Variants in TMEM94 observed in about 807,000 individuals in gnomAD.
The protein encoded by TMEM94 is ER Mg2+ ATPase.
In TMEM94, 81 loss-of-function variants were observed where a neutral mutation model predicts 158.6. That is an observed-to-expected ratio of 0.51 (90% CI 0.43 to 0.61). TMEM94 has a LOEUF of 0.61. Among genes scored for constraint, TMEM94 ranks in the 20% least tolerant of loss-of-function variants. The pLI is 0.00. For synonymous variants in TMEM94, 751 were observed against 730.7 expected, an observed-to-expected ratio of 1.03 and a Z score of -0.45; for missense variants, 1,435 against 1,762.0, an observed-to-expected ratio of 0.81 and a Z score of 3.32.
chr17:75,498,936 GGCTGTGGACCTGCA>G lies in TMEM94; in HGVS notation c.3862_3875del (p.Leu1288ThrfsTer33), dbSNP rs2053032060. 3 of 1,562,148 alleles carry G rather than the reference GGCTGTGGACCTGCA, an allele frequency of 1.9e-6. No individual in the cohort carries two copies. The highest frequency in any genetic ancestry group is 2.3e-5 in the East Asian group (1 of 44,242). Reference sequence around the variant, plus strand: ...GGCTGCTGGGTCAGGTGGTCCAGACGGCTGTGGACCTGCAGCTGTGGACACACAGGGACAGCCAC... The same window carrying G: ...GGCTGCTGGGTCAGGTGGTCCAGACGGCTGTGGACACACAGGGACAGCCAC... On this transcript the variant is annotated frameshift_variant, in exon 31 of 32. Coordinates refer to ENST00000314256, the MANE Select transcript of TMEM94 (RefSeq NM_014738.6). LOFTEE classifies it high-confidence loss of function. The surrounding 1 kb of genome is among the most constrained non-coding windows in gnomAD (Gnocchi z 6.7).
chr17:75,476,958 C>T (rs535140878), intron 2 of TMEM94, among the ~76,000 whole-genome samples: 1 of 152,220 alleles, frequency 6.6e-6, no homozygotes, highest in East Asian at 1.9e-4. Context: ...GCCAGGTGCC[C>T]GAGTCACCCA....
intron 2 of TMEM94, among the ~76,000 whole-genome samples, chr17:75,473,554 G>T (rs2050570658): frequency 6.6e-6 from 1 of 152,188 alleles, no homozygotes; most frequent in Non-Finnish European, 1.5e-5. Context: ...GGGAAACAAA[G>T]TTCTGTATCG....
At chr17:75,470,549 C>T (rs967378423) in intron 1 of TMEM94, among the ~76,000 whole-genome samples, 2 of 151,276 alleles carry the variant, frequency 1.3e-5, no homozygotes, top group African/African-American at 4.9e-5. Flanking sequence ...ACTAAAAATA[C>T]AAAAAATTAG....
Position 75,494,988 on chromosome 17 carries a change from C to A in TMEM94, c.2682C>A (p.Pro894=), listed in dbSNP as rs769396653. The change falls in exon 20 of 32, where the codon CCC becomes CCA. Residue 894 remains proline, a synonymous_variant. Transcript: ENST00000314256. ...ACATGCCTGGCTCCGAGATCCCCCC[C>A]TCCAGCCCCAGCCACGCAGGCTCCC... ...NGDMPGSEIP[P]SSPSHAGSLH... 1 of 1,613,442 alleles carries A rather than the reference C, an allele frequency of 6.2e-7. No individual in the cohort carries two copies. The highest frequency in any genetic ancestry group is 2.2e-5 in the East Asian group (1 of 44,884).
intron 2 of TMEM94, among the ~76,000 whole-genome samples, chr17:75,484,905 G>A (rs1013867373): frequency 1.1e-4 from 16 of 151,998 alleles, no homozygotes; most frequent in African/African-American, 3.1e-4. Flanking sequence ...CGACATGGTG[G>A]TGTGTGCCTG....
At chr17:75,461,130 G>A (rs1037830787) in intron 1 of TMEM94, among the ~76,000 whole-genome samples, 1 of 85,108 alleles carries the variant, frequency 1.2e-5, no homozygotes, top group Non-Finnish European at 2.1e-5. Context: ...ACAGAGTTTT[G>A]CTCTATTGCC....
chr17:75,467,486 T>C (rs989083948), intron 1 of TMEM94, among the ~76,000 whole-genome samples: 1 of 151,376 alleles, frequency 6.6e-6, no homozygotes, highest in African/African-American at 2.4e-5. Context: ...GTTTCACTTA[T>C]TTTTTCCCAT....
intron 2 of TMEM94, among the ~76,000 whole-genome samples, chr17:75,479,285 G>T (rs2050964959): frequency 6.6e-6 from 1 of 151,564 alleles, no homozygotes; most frequent in Admixed American, 6.6e-5. Context: ...AACATAGCAA[G>T]ACCTCATGTC....
chr17:75,499,506 A>G lies in TMEM94; in HGVS notation c.*172A>G. Reference sequence around the variant, plus strand: ...GCTGTCTTCCTGAGCCCTGGGGCTCACTGTGGAGGAGCTGACGGCCTGGGC... The same window carrying G: ...GCTGTCTTCCTGAGCCCTGGGGCTCGCTGTGGAGGAGCTGACGGCCTGGGC... On this transcript the variant is annotated 3_prime_UTR_variant, in exon 32 of 32. Coordinates refer to ENST00000314256, the MANE Select transcript of TMEM94 (RefSeq NM_014738.6). 1.6e-6 allele frequency: 1 copy of G among 644,246 alleles called. No homozygotes were observed. The allele number at this position is 644,246 out of a possible 1,614,324, so 39.9% of individuals were successfully genotyped here. A position where few individuals can be genotyped will look rare whatever the true frequency, so the allele number is the denominator to read the frequency against.
chr17:75,499,443 C>G lies in TMEM94; in HGVS notation c.*109C>G. 1 of 1,085,936 alleles carries G rather than the reference C, an allele frequency of 9.2e-7. No individual in the cohort carries two copies. Among genetic ancestry groups the G allele is most frequent in the Non-Finnish European group, 1.4e-6 (1 of 733,758 alleles). 67.3% of individuals were successfully genotyped at this position (1,085,936 alleles called of 1,614,324 possible). A position where few individuals can be genotyped will look rare whatever the true frequency, so the allele number is the denominator to read the frequency against. ...AATGTTTCCAGGTTTGCTCCTGCAC[C>G]CGTGGCACTGGAAACCCAGCTCCCC... On this transcript the variant is annotated 3_prime_UTR_variant, in exon 32 of 32. Transcript: ENST00000314256.
intron 2 of TMEM94, among the ~76,000 whole-genome samples, chr17:75,484,498 A>G (rs572101971): frequency 6.6e-6 from 1 of 151,202 alleles, no homozygotes; most frequent in East Asian, 2.0e-4. Flanking sequence ...TCCTGAGCCC[A>G]AGCAATCCTC....
chr17:75,497,949 C>A, intron 27 of TMEM94, 87 bp downstream of exon 27: 2 of 1,323,776 alleles, frequency 1.5e-6, no homozygotes, highest in Non-Finnish European at 2.2e-6. Flanking sequence ...ATCTGGAAGG[C>A]TCTGGATGGG....
chr17:75,498,573 T>A lies in TMEM94; in HGVS notation c.3733+35T>A. On this transcript the variant is annotated intron_variant, in intron 29 of 31. Transcript: ENST00000314256. This position sits in a 1 kb window ranked among gnomAD's most constrained non-coding sequence, Gnocchi z 6.7. ...CTCCCTGGGAGGGCGTGGATGATGG[T>A]GGGAGAGGAGCCCCACTGTGGAAGT... The A allele has an allele frequency of 1.2e-6, 2 of 1,612,680 alleles. No individual in the cohort carries two copies. The highest frequency in any genetic ancestry group is 1.7e-6 in the Non-Finnish European group (2 of 1,179,390).
rs2051966557 is a variant in TMEM94 at position 75,489,684 on chromosome 17, C to T, written c.954+22C>T. 1.9e-6 allele frequency: 3 copies of T among 1,595,960 alleles called. No homozygotes were observed. Among genetic ancestry groups the T allele is most frequent in the African/African-American group, 2.7e-5 (2 of 74,524 alleles). On this transcript the variant is annotated intron_variant, in intron 9 of 31. Transcript: ENST00000314256. The surrounding 1 kb of genome is among the most constrained non-coding windows in gnomAD (Gnocchi z 5.0). ...CCAGGCAAGGACCACCCTGTCCTCTCTGTCATGCTTCCCTCCGACCCGCAG... is the reference window on the plus strand; with the variant it reads ...CCAGGCAAGGACCACCCTGTCCTCTTTGTCATGCTTCCCTCCGACCCGCAG...
chr17:75,478,818 C>T (rs2050927051), intron 2 of TMEM94, among the ~76,000 whole-genome samples: 1 of 152,140 alleles, frequency 6.6e-6, no homozygotes, highest in South Asian at 2.1e-4. Context: ...GCCTCCCTTC[C>T]CCTTGGTGTG....
rs1210449614 is a variant in TMEM94, at chr17:75,496,367, G to C, written c.3139G>C (p.Asp1047His). ...CAGCATCAGCATGGCCCAGGCCTCG[G>C]ATGGCCTTTCTCCCCTGCAGCTGTC... ...ATSISMAQAS[D>H]GLSPLQLSGQ... Residue 1047 changes from aspartate (D) to histidine (H), a missense_variant, in exon 24 of 32, where the codon GAT becomes CAT. Around this residue, in one of 3 missense-constraint regions of TMEM94, gnomAD observed 335 missense variants for 409.1 expected, o/e 0.82. Coordinates refer to ENST00000314256, the MANE Select transcript of TMEM94 (RefSeq NM_014738.6). 6.2e-7 allele frequency: 1 copy of C among 1,614,086 alleles called. No homozygotes were observed. The highest frequency in any genetic ancestry group is 1.1e-5 in the South Asian group (1 of 91,092).
At chr17:75,480,760 G>A (rs1480964263) in intron 2 of TMEM94, among the ~76,000 whole-genome samples, 2 of 152,364 alleles carry the variant, frequency 1.3e-5, no homozygotes, top group East Asian at 3.9e-4. Flanking sequence ...GCTGTGTACA[G>A]TTGCCTGGTC....
chr17:75,474,917 G>C (rs2050623262), intron 2 of TMEM94, among the ~76,000 whole-genome samples: 1 of 152,042 alleles, frequency 6.6e-6, no homozygotes, highest in Non-Finnish European at 1.5e-5. Flanking sequence ...TGGGTGCAGG[G>C]CTCCCTTCTC....
chr17:75,487,818 C>T lies in TMEM94; in HGVS notation c.410-114C>T. On this transcript the variant is annotated intron_variant, in intron 5 of 31. Transcript: ENST00000314256. The surrounding 1 kb of genome is among the most constrained non-coding windows in gnomAD (Gnocchi z 4.6). ...TTGGAACGAGTGGAGGGGTTTGACGCAGACCTCCTGGGAGAGGAAGTGGGC... is the reference window on the plus strand; with the variant it reads ...TTGGAACGAGTGGAGGGGTTTGACGTAGACCTCCTGGGAGAGGAAGTGGGC... 1 of 848,484 alleles carries T rather than the reference C, an allele frequency of 1.2e-6. No individual in the cohort carries two copies. The allele number at this position is 848,484 out of a possible 1,614,324, so 52.6% of individuals were successfully genotyped here. A position where few individuals can be genotyped will look rare whatever the true frequency, so the allele number is the denominator to read the frequency against.
Sources: gnomAD v4.1 joint callset for allele counts (sites outside exome capture counted in the v4.1 genomes callset) on GRCh38, gnomAD v4.1.1 for gene constraint, gnomAD v4.1.1 regional missense constraint, Gnocchi (gnomAD v3.1) non-coding constraint, MANE v1.5 for transcripts, NCBI Gene and HGNC (gene_info 2026-07-23, HGNC 2026-07-21) for gene names.